NELL1: variants seen among roughly 807,000 people sequenced by gnomAD.
NELL1 encodes the protein protein kinase C-binding protein NELL1.
In NELL1, 76 loss-of-function variants were observed where a neutral mutation model predicts 107.4. That is an observed-to-expected ratio of 0.71 (90% CI 0.59 to 0.86). The LOEUF (loss-of-function observed/expected upper bound fraction) is 0.86, where lower values mean the gene tolerates loss of function less well. NELL1 is among the 40% of genes least tolerant of loss of function. NELL1 has a pLI of 0.00. For synonymous variants in NELL1, 353 were observed against 341.2 expected, an observed-to-expected ratio of 1.03 and a Z score of -0.38; for missense variants, 1,024 against 1,005.5, an observed-to-expected ratio of 1.02 and a Z score of -0.25.
chr11:21,534,598 G>T (rs1856086164), intron 16 of NELL1, 84 bp downstream of exon 16: 5 of 1,410,300 alleles, frequency 3.5e-6, no homozygotes, highest in African/African-American at 1.4e-5. Context: ...TCAGCTCCCA[G>T]TGTTAAAATA....
At chr11:20,833,824 G>A (rs1273427713) in intron 3 of NELL1, among the ~76,000 whole-genome samples, 1 of 152,136 alleles carries the variant, frequency 6.6e-6, no homozygotes, top group Non-Finnish European at 1.5e-5. Context: ...CATTGTAGTG[G>A]GAGGGATCGT....
intron 12 of NELL1, among the ~76,000 whole-genome samples, chr11:21,090,046 T>G (rs1243759942): frequency 6.6e-6 from 1 of 152,142 alleles, no homozygotes; most frequent in Non-Finnish European, 1.5e-5. Flanking sequence ...TGGACCATGG[T>G]GTATTTGTGA....
chr11:21,238,630 A>T (rs1858270703), intron 14 of NELL1, among the ~76,000 whole-genome samples: 1 of 152,056 alleles, frequency 6.6e-6, no homozygotes, highest in Non-Finnish European at 1.5e-5. Context: ...AATGGGAAAC[A>T]AAAAGTATTC....
At chr11:20,855,087 C>T (rs996939192) in intron 4 of NELL1, among the ~76,000 whole-genome samples, 3 of 152,170 alleles carry the variant, frequency 2.0e-5, no homozygotes, top group Non-Finnish European at 2.9e-5. Context: ...ATATCAACCT[C>T]GCTAGGTGGA....
chr11:21,464,406 A>AG, intron 15 of NELL1, among the ~76,000 whole-genome samples: 1 of 73,832 alleles, frequency 1.4e-5, no homozygotes, highest in Non-Finnish European at 4.1e-5. Flanking sequence ...CCGTGGCAAA[A>AG]AAAAAAAAAA....
rs570457366 is a variant in NELL1, at chr11:20,891,565, G to A, written c.603+6025G>A. On this transcript the variant is annotated intron_variant, in intron 5 of 19. Transcript: ENST00000357134. ...GTGCCCCAATTAAAAGACACAGACT[G>A]GCAAATTGGATAAGGAGTCAAGACC... is the stretch of plus-strand genomic sequence containing the variant. Among the ~76,000 whole-genome samples the A allele has an allele frequency of 1.6e-4, 24 of 152,236 alleles. 1 individual carries two copies. Among genetic ancestry groups the A allele is most frequent in the African/African-American group, 5.5e-4 (23 of 41,554 alleles).
chr11:21,519,464 G>C (rs1855659111), intron 15 of NELL1, among the ~76,000 whole-genome samples: 1 of 151,954 alleles, frequency 6.6e-6, no homozygotes, highest in African/African-American at 2.4e-5. Flanking sequence ...ACCACTGATT[G>C]AGACCAACAG....
intron 4 of NELL1, among the ~76,000 whole-genome samples, chr11:20,851,301 C>T (rs113767638): frequency 6.6e-6 from 1 of 152,170 alleles, no homozygotes; most frequent in African/African-American, 2.4e-5. Context: ...TAGTTCAACA[C>T]TTTCTGCTTG....
intron 14 of NELL1, among the ~76,000 whole-genome samples, chr11:21,359,898 C>T (rs1022977845): frequency 2.0e-4 from 31 of 152,084 alleles, no homozygotes; most frequent in African/African-American, 7.5e-4. Context: ...GTTAATATCA[C>T]TAATGTTCTA....
At chr11:21,480,525 T>C (rs1854466509) in intron 15 of NELL1, among the ~76,000 whole-genome samples, 1 of 152,198 alleles carries the variant, frequency 6.6e-6, no homozygotes, top group Non-Finnish European at 1.5e-5. Flanking sequence ...ACGGATATGC[T>C]AAATTGTCAC....
intron 14 of NELL1, among the ~76,000 whole-genome samples, chr11:21,265,549 T>C (rs1178371335): frequency 6.6e-6 from 1 of 152,006 alleles, no homozygotes; most frequent in Non-Finnish European, 1.5e-5. Context: ...ACAAATTAAG[T>C]ATCTCTGTAT....
intron 2 of NELL1, among the ~76,000 whole-genome samples, chr11:20,706,349 T>C (rs1449390187): frequency 6.6e-6 from 1 of 152,080 alleles, no homozygotes; most frequent in Non-Finnish European, 1.5e-5. Flanking sequence ...TAAAAAATGA[T>C]GAGTTCATGT....
At chr11:20,977,036 C>G (rs1851651908) in intron 12 of NELL1, among the ~76,000 whole-genome samples, 1 of 151,486 alleles carries the variant, frequency 6.6e-6, no homozygotes, top group African/African-American at 2.4e-5. Flanking sequence ...TATGATGTTT[C>G]TGAATATGTG....
chr11:21,209,828 A>G (rs1043679712), intron 13 of NELL1, among the ~76,000 whole-genome samples: 6 of 152,166 alleles, frequency 3.9e-5, no homozygotes, highest in South Asian at 2.1e-4. Flanking sequence ...GTTTTATGCA[A>G]TGGTCATGTA....
chr11:20,686,760 G>T (rs577309650), intron 2 of NELL1, among the ~76,000 whole-genome samples: 1 of 152,264 alleles, frequency 6.6e-6, no homozygotes, highest in South Asian at 2.1e-4. Flanking sequence ...TTACAAGGAG[G>T]AAGCTTTAGG....
Position 21,133,049 on chromosome 11 carries a change from G to A in NELL1, c.1426+19335G>A, listed in dbSNP as rs545416319. 3.3e-5 allele frequency among the ~76,000 whole-genome samples: 5 copies of A among 152,140 alleles called. No individual in the cohort carries two copies. In the East Asian group the frequency reaches 5.8e-4, roughly 18 times the overall value. On this transcript the variant is annotated intron_variant, in intron 13 of 19. Coordinates refer to ENST00000357134, the MANE Select transcript of NELL1 (RefSeq NM_006157.5). Reference sequence around the variant, plus strand: ...TCAGTGGAGAGGAGACCCATAGTGCGGGTCTTAGACGGAAGTGAGGATAGA... The same window carrying A: ...TCAGTGGAGAGGAGACCCATAGTGCAGGTCTTAGACGGAAGTGAGGATAGA...
At chr11:20,958,805 A>T (rs1851230704) in intron 11 of NELL1, among the ~76,000 whole-genome samples, 1 of 152,186 alleles carries the variant, frequency 6.6e-6, no homozygotes, top group East Asian at 1.9e-4. Context: ...CCCAGGAAGC[A>T]TGTTTAAGAA....
intron 14 of NELL1, among the ~76,000 whole-genome samples, chr11:21,310,196 G>A (rs1219064382): frequency 6.6e-6 from 1 of 152,008 alleles, no homozygotes; most frequent in Middle Eastern, 3.2e-3. Flanking sequence ...CTAGTATGTG[G>A]CAGAACTCAG....
At chr11:20,837,044 C>T (rs1848545184) in intron 3 of NELL1, among the ~76,000 whole-genome samples, 1 of 152,080 alleles carries the variant, frequency 6.6e-6, no homozygotes, top group African/African-American at 2.4e-5. Flanking sequence ...TGTGAAATAA[C>T]CTCAACAACG....
Sources: allele counts gnomAD v4.1 joint callset (sites outside exome capture counted in the v4.1 genomes callset), GRCh38; gene constraint gnomAD v4.1.1; transcripts MANE v1.5; gene names NCBI Gene and HGNC (gene_info 2026-07-23, HGNC 2026-07-21).